The following ABCB1 variants were observed in gnomAD, a reference collection of about 807,000 sequenced individuals.
ABCB1 encodes ATP binding cassette subfamily B member 1.
Under a neutral mutation model 142.0 loss-of-function variants are expected in ABCB1, and 69 were observed. The ratio of observed to expected loss-of-function variants is 0.49; its 90% CI spans 0.40 to 0.59. The LOEUF is 0.59. Among genes scored for constraint, ABCB1 ranks in the 20% least tolerant of loss-of-function variants. The pLI is 0.00. For synonymous variants in ABCB1, 532 were observed against 539.2 expected (o/e 0.99, Z 0.18); for missense variants, 1,326 against 1,554.7 (o/e 0.85, Z 2.47).
upstream of ABCB1, among the ~76,000 whole-genome samples, chr7:87,604,191 C>A (rs755004308): frequency 6.6e-6 from 1 of 151,996 alleles, no homozygotes. Context: ...TCTCATAATT[C>A]TTTTATTGTA....
At chr7:87,547,917 G>A (rs192140579) in intron 14 of ABCB1, among the ~76,000 whole-genome samples, 1 of 150,702 alleles carries the variant, frequency 6.6e-6, no homozygotes, top group East Asian at 1.9e-4. Context: ...TACTTGTGAG[G>A]CTGAGGTGGG....
At chr7:87,693,845 T>C (rs1454458589) in intron 1 of ABCB1, 3 of 1,541,150 alleles carry the variant, frequency 1.9e-6, no homozygotes, top group African/African-American at 2.7e-5. Flanking sequence ...AGTTTGGAAC[T>C]GTAAACATGA....
At chr7:87,613,257 C>CTTTTTTTTTTT (rs67823385) in intron 1 of ABCB1, among the ~76,000 whole-genome samples, 184 of 64,224 alleles carry the variant, frequency 2.9e-3, no homozygotes, top group Middle Eastern at 0.042. Context: ...TCCTTTATTT[C>CTTTTTTTTTTT]TTTTTTTTTT....
intron 15 of ABCB1, 46 bp downstream of exon 15, chr7:87,545,817 G>C: frequency 1.3e-6 from 2 of 1,591,924 alleles, no homozygotes; most frequent in Non-Finnish European, 1.7e-6. Context: ...TGCAAAATCA[G>C]TTTATCACTG....
upstream of ABCB1, among the ~76,000 whole-genome samples, chr7:87,604,797 C>A (rs1458254323): frequency 6.6e-6 from 1 of 152,120 alleles, no homozygotes; most frequent in Non-Finnish European, 1.5e-5. Flanking sequence ...TGTGATAAGT[C>A]GATGGCAAAT....
intron 2 of ABCB1, among the ~76,000 whole-genome samples, chr7:87,597,434 A>G (rs1171589194): frequency 6.6e-6 from 1 of 152,142 alleles, no homozygotes; most frequent in Non-Finnish European, 1.5e-5. Context: ...ATCAATGGCA[A>G]TGAACACAAT....
At chr7:87,564,414 C>T (rs1047959664) in intron 7 of ABCB1, among the ~76,000 whole-genome samples, 23 of 152,192 alleles carry the variant, frequency 1.5e-4, no homozygotes, top group African/African-American at 4.3e-4. Context: ...ACTGCCAGGT[C>T]GGGAAGAGTG....
chr7:87,693,390 G>A (rs1270515535), intron 1 of ABCB1, among the ~76,000 whole-genome samples: 1 of 152,076 alleles, frequency 6.6e-6, no homozygotes, highest in Non-Finnish European at 1.5e-5. Flanking sequence ...AAAAATGAAT[G>A]GCTACATTTC....
At chr7:87,576,506 G>A (rs978633325) in intron 4 of ABCB1, among the ~76,000 whole-genome samples, 1 of 150,616 alleles carries the variant, frequency 6.6e-6, no homozygotes, top group Non-Finnish European at 1.5e-5. Context: ...AATCTCATGT[G>A]TATTTAAGAA....
chr7:87,546,011 C>T lies in ABCB1; in HGVS notation c.1739G>A (p.Arg580Gln), dbSNP rs202017838. ...ACGATGAGCTATCACAATGGTGGTC[C>T]GACCTTTTCTGGCCTAAAGAGAGAG... ...QVALDKARKG[R>Q]TTIVIAHRLS... is the part of the protein sequence containing the mutation. The change falls in exon 15 of 28, where the codon CGG becomes CAG. Residue 580 changes from arginine to glutamine, a missense_variant. Transcript: ENST00000622132. 1.5e-5 allele frequency: 25 copies of T among 1,613,958 alleles called. No individual in the cohort carries two copies. Among genetic ancestry groups the T allele is most frequent in the South Asian group, 7.7e-5 (7 of 91,060 alleles).
intron 1 of ABCB1, among the ~76,000 whole-genome samples, chr7:87,703,884 T>C (rs1829307153): frequency 7.8e-6 from 1 of 127,834 alleles, no homozygotes; most frequent in Admixed American, 8.1e-5. Flanking sequence ...ATCAGTTTTT[T>C]CTTTTTTTTT....
Position 87,503,518 on chromosome 7 carries a change from A to G in ABCB1, c.*725T>C, listed in dbSNP as rs1814580360. 6.6e-6 allele frequency: 1 copy of G among 152,212 alleles called. No homozygotes were observed. The highest frequency in any genetic ancestry group is 1.5e-5 in the Non-Finnish European group (1 of 68,036). 9.4% of individuals were successfully genotyped at this position (152,212 alleles called of 1,614,324 possible). A position where few individuals can be genotyped will look rare whatever the true frequency, so the allele number is the denominator to read the frequency against. On this transcript the variant is annotated 3_prime_UTR_variant, in exon 28 of 28. Coordinates refer to ENST00000622132, the MANE Select transcript of ABCB1 (RefSeq NM_001348946.2). ...AAAATCCTTAAAGAACCCTTTATAA[A>G]AGCAATGCAAAGTATTTACTATACA...
intron 24 of ABCB1, 58 bp downstream of exon 24, chr7:87,516,451 T>A (rs1815251489): frequency 1.2e-6 from 2 of 1,605,336 alleles, no homozygotes; most frequent in East Asian, 4.5e-5. Context: ...AGTTTCCACT[T>A]AAAATACTTT....
chr7:87,565,267 T>G (rs983472455), intron 7 of ABCB1, among the ~76,000 whole-genome samples: 20 of 152,246 alleles, frequency 1.3e-4, no homozygotes, highest in Non-Finnish European at 7.3e-5. Context: ...TTTTGCTACA[T>G]GAATTTATAT....
Position 87,706,825 on chromosome 7 carries a change from C to T in ABCB1, c.-331+6336G>A, listed in dbSNP as rs146187718. ...TTTTCCTATGGGGTTGTTGCCAACT[C>T]TAAGTCATCTGTAGCTCAAAGCAAA... On this transcript the variant is annotated intron_variant, in intron 1 of 28. Coordinates refer to the ABCB1 transcript ENST00000265724. 6.0e-3 allele frequency among the ~76,000 whole-genome samples: 920 copies of T among 152,254 alleles called. 7 individuals are homozygous for T. Among genetic ancestry groups the T allele is most frequent in the Non-Finnish European group, 8.0e-3 (541 of 68,004 alleles).
chr7:87,616,230 G>T (rs1297020354), intron 1 of ABCB1, among the ~76,000 whole-genome samples: 1 of 152,174 alleles, frequency 6.6e-6, no homozygotes, highest in East Asian at 1.9e-4. Flanking sequence ...TTGTTAGTTT[G>T]TTGTGATTTC....
chr7:87,674,303 G>T (rs1826110748), intron 1 of ABCB1, among the ~76,000 whole-genome samples: 2 of 152,138 alleles, frequency 1.3e-5, no homozygotes, highest in South Asian at 2.1e-4. Flanking sequence ...TGGCAGGGGT[G>T]GGGGTACTGG....
chr7:87,625,125 C>A (rs1411088705), intron 1 of ABCB1, among the ~76,000 whole-genome samples: 1 of 152,090 alleles, frequency 6.6e-6, no homozygotes, highest in Non-Finnish European at 1.5e-5. Flanking sequence ...GGCGTGGTGG[C>A]AGGCGCCTGT....
intron 2 of ABCB1, 62 bp downstream of exon 2, chr7:87,600,055 T>TC (rs1819380219): frequency 7.7e-6 from 11 of 1,423,318 alleles, no homozygotes; most frequent in East Asian, 4.6e-5. Flanking sequence ...AGCTGGAGGC[T>TC]AGAAATAAAT....
Sources: allele counts gnomAD v4.1 joint callset (sites outside exome capture counted in the v4.1 genomes callset), GRCh38; gene constraint gnomAD v4.1.1; transcripts MANE v1.5; gene names NCBI Gene and HGNC (gene_info 2026-07-23, HGNC 2026-07-21).